TNFRSF9: variants seen among roughly 807,000 people sequenced by gnomAD.
The protein encoded by TNFRSF9 is TNF receptor superfamily member 9.
A neutral mutation model predicts 28.8 loss-of-function variants in TNFRSF9; 16 were observed. That is an observed-to-expected ratio of 0.55 (90% CI 0.38 to 0.84). TNFRSF9 has a LOEUF of 0.84. Among genes scored for constraint, TNFRSF9 ranks in the 40% least tolerant of loss-of-function variants. The pLI is 0.00. For missense variants in TNFRSF9, 303 were observed against 315.0 expected, an observed-to-expected ratio of 0.96 and a Z score of 0.29; for synonymous variants, 131 against 117.0, an observed-to-expected ratio of 1.12 and a Z score of -0.77.
At chr1:7,932,141 A>C (rs1639740998) in intron 7 of TNFRSF9, among the ~76,000 whole-genome samples, 1 of 152,206 alleles carries the variant, frequency 6.6e-6, no homozygotes, top group Non-Finnish European at 1.5e-5. Flanking sequence ...CTGTCTCAAA[A>C]AAGAAAAAAA....
chr1:7,938,436 T>C, intron 3 of TNFRSF9, 106 bp from the exon 4 acceptor site: 1 of 1,227,720 alleles, frequency 8.1e-7, no homozygotes, highest in Non-Finnish European at 1.1e-6. Flanking sequence ...ACTTATAGTG[T>C]TCCCAGTAAT....
chr1:7,933,046 A>G, intron 7 of TNFRSF9, 116 bp downstream of exon 7: 2 of 1,315,950 alleles, frequency 1.5e-6, no homozygotes, highest in Non-Finnish European at 2.1e-6. Context: ...CCCCTGCGTG[A>G]TAGCCACGGG....
chr1:7,924,550 C>A (rs1639610856), intron 7 of TNFRSF9, among the ~76,000 whole-genome samples: 2 of 151,934 alleles, frequency 1.3e-5, no homozygotes, highest in Admixed American at 6.6e-5. Flanking sequence ...TCCCTTGAAC[C>A]CGGGAGGCAG....
At chr1:7,935,263 G>A (rs1318682737) in intron 5 of TNFRSF9, 120 bp from the exon 6 acceptor site, 1 of 1,128,444 alleles carries the variant, frequency 8.9e-7, no homozygotes, top group Admixed American at 2.8e-5. Context: ...ATGGGTCTGG[G>A]TTCGAAAGCG....
chr1:7,924,017 C>T (rs1434983868), intron 7 of TNFRSF9, among the ~76,000 whole-genome samples: 2 of 152,138 alleles, frequency 1.3e-5, no homozygotes, highest in South Asian at 4.1e-4. Flanking sequence ...TGGTCAAAAA[C>T]AGACTGCATA....
intron 6 of TNFRSF9, 57 bp downstream of exon 6, chr1:7,934,956 T>C: frequency 6.3e-7 from 1 of 1,596,888 alleles, no homozygotes; most frequent in Non-Finnish European, 8.5e-7. Flanking sequence ...GCAATTTAGA[T>C]ACAATCTGGA....
Position 7,938,747 on chromosome 1 carries a change from G to T in TNFRSF9, c.182C>A (p.Thr61Asn). 2 of 1,613,200 alleles carry T rather than the reference G, an allele frequency of 1.2e-6. No homozygotes were observed. Among genetic ancestry groups the T allele is most frequent in the Non-Finnish European group, 8.5e-7 (1 of 1,179,384 alleles). The change falls in exon 3 of 8, where the codon ACC (threonine) becomes AAC (asparagine). Residue 61 changes from threonine (T) to asparagine (N), a missense_variant. Transcript: ENST00000377507. ...TTTACACTGCCTGCATATGTCACAG[G>T]TCCTTTGTCCACCTGCGCTGGAGAA... ...NSFSSAGGQR[T>N]CDICRQCKGV... is the part of the protein sequence containing the mutation.
At chr1:7,936,957 C>T (rs1380856950) in intron 5 of TNFRSF9, among the ~76,000 whole-genome samples, 5 of 152,252 alleles carry the variant, frequency 3.3e-5, no homozygotes, top group African/African-American at 4.8e-5. Context: ...CACATTCTCT[C>T]GTATACTATT....
At chr1:7,925,200 T>TG (rs1639630296) in intron 7 of TNFRSF9, among the ~76,000 whole-genome samples, 1 of 151,172 alleles carries the variant, frequency 6.6e-6, no homozygotes, top group Non-Finnish European at 1.5e-5. Context: ...CCCAGCTACT[T>TG]GGGGGGCTGA....
intron 5 of TNFRSF9, chr1:7,936,670 A>G (rs1481003852): frequency 6.6e-6 from 1 of 152,210 alleles, no homozygotes; most frequent in Admixed American, 6.5e-5. Context: ...AAACCAATAC[A>G]CTTTTGAAAT....
intron 2 of TNFRSF9, 70 bp from the exon 3 acceptor site, chr1:7,938,898 T>C (rs1639860963): frequency 6.3e-6 from 7 of 1,113,988 alleles, no homozygotes; most frequent in Non-Finnish European, 7.9e-6. Context: ...TTCCGAAGTT[T>C]ACAATAAAAT....
chr1:7,939,247 G>A (rs1464162034), intron 2 of TNFRSF9, among the ~76,000 whole-genome samples: 2 of 151,388 alleles, frequency 1.3e-5, no homozygotes, highest in Non-Finnish European at 2.9e-5. Context: ...TTGAACCTGG[G>A]AGGCCAAGGT....
chr1:7,926,473 T>C (rs1347228270), intron 7 of TNFRSF9, among the ~76,000 whole-genome samples: 7 of 152,212 alleles, frequency 4.6e-5, no homozygotes, highest in Non-Finnish European at 7.3e-5. Context: ...GATATGTGAC[T>C]GTACTTCACA....
At chr1:7,933,039 C>CT in intron 7 of TNFRSF9, 123 bp downstream of exon 7, 1 of 1,233,890 alleles carries the variant, frequency 8.1e-7, no homozygotes, top group South Asian at 1.6e-5. Context: ...GAAATTGCCC[C>CT]TGCGTGATAG....
At chr1:7,926,625 T>C (rs1485461174) in intron 7 of TNFRSF9, among the ~76,000 whole-genome samples, 1 of 152,110 alleles carries the variant, frequency 6.6e-6, no homozygotes, top group African/African-American at 2.4e-5. Flanking sequence ...ATAAAACAAT[T>C]TTGAAATGAA....
At chr1:7,934,630 A>C (rs1639790482) in intron 6 of TNFRSF9, among the ~76,000 whole-genome samples, 1 of 144,910 alleles carries the variant, frequency 6.9e-6, no homozygotes. Context: ...AATCACTTGA[A>C]CCCAGGAGGT....
At chr1:7,929,653 G>A (rs1639705982) in intron 7 of TNFRSF9, among the ~76,000 whole-genome samples, 1 of 152,126 alleles carries the variant, frequency 6.6e-6, no homozygotes, top group Non-Finnish European at 1.5e-5. Flanking sequence ...AAAGTATAGA[G>A]ATGAAAGACA....
In TNFRSF9 at chr1:7,932,006, G is replaced by C. The variant is rs535098880; in HGVS notation, c.679+1156C>G. 6.2e-4 allele frequency among the ~76,000 whole-genome samples: 95 copies of C among 152,246 alleles called. 1 individual carries two copies. Among genetic ancestry groups the C allele is most frequent in the African/African-American group, 2.2e-3 (91 of 41,544 alleles). ...TAAAAATGCAAAATTAGCTGGGTGTGGTGGCGCATGCCTGTAATGCCTCGG... is the reference window on the plus strand; with the variant it reads ...TAAAAATGCAAAATTAGCTGGGTGTCGTGGCGCATGCCTGTAATGCCTCGG... On this transcript the variant is annotated intron_variant, in intron 7 of 7. Coordinates refer to ENST00000377507, the MANE Select transcript of TNFRSF9 (RefSeq NM_001561.6).
At chr1:7,931,094 C>A (rs1639725818) in intron 7 of TNFRSF9, among the ~76,000 whole-genome samples, 1 of 152,148 alleles carries the variant, frequency 6.6e-6, no homozygotes, top group African/African-American at 2.4e-5. Flanking sequence ...ATCCACCCAC[C>A]ATATCGATAA....
Sources: gnomAD v4.1 joint callset for allele counts (sites outside exome capture counted in the v4.1 genomes callset) on GRCh38, gnomAD v4.1.1 for gene constraint, MANE v1.5 for transcripts, NCBI Gene and HGNC (gene_info 2026-07-23, HGNC 2026-07-21) for gene names.